STARD13: variants seen among roughly 807,000 people sequenced by gnomAD.
The protein encoded by STARD13 is stAR-related lipid transfer protein 13.
A neutral mutation model predicts 106.4 loss-of-function variants in STARD13; 62 were observed. That is an observed-to-expected ratio of 0.58 (90% CI 0.48 to 0.72). The LOEUF (loss-of-function observed/expected upper bound fraction) is 0.72, where lower values mean the gene tolerates loss of function less well. Among genes scored for constraint, STARD13 ranks in the 30% least tolerant of loss-of-function variants. STARD13 has a pLI of 0.00. For synonymous variants in STARD13, 565 were observed against 553.0 expected (o/e 1.02, Z -0.31); for missense variants, 1,387 against 1,424.0 (o/e 0.97, Z 0.42).
chr13:33,425,277 C>T, the STARD13 span, among the ~76,000 whole-genome samples: 1 of 152,198 alleles, frequency 6.6e-6, no homozygotes, highest in African/African-American at 2.4e-5. Flanking sequence ...TAGTGTCCAG[C>T]AAGCATCTGA....
intron 3 of STARD13, among the ~76,000 whole-genome samples, chr13:33,145,903 G>A (rs758552586): frequency 3.3e-5 from 5 of 152,200 alleles, no homozygotes; most frequent in East Asian, 1.9e-4. Context: ...TCTGTGTCAC[G>A]GCTGGGCATG....
intron 1 of STARD13, among the ~76,000 whole-genome samples, chr13:33,203,888 T>A (rs1214090227): frequency 6.6e-6 from 1 of 152,214 alleles, no homozygotes; most frequent in Non-Finnish European, 1.5e-5. Flanking sequence ...CAAAAGCTAA[T>A]AGCACAAGAT....
intron 3 of STARD13, among the ~76,000 whole-genome samples, chr13:33,165,071 C>G (rs1220463081): frequency 6.6e-6 from 1 of 152,108 alleles, no homozygotes; most frequent in East Asian, 1.9e-4. Flanking sequence ...CTCCTTCTTT[C>G]TTTTTCTCAC....
chr13:33,382,305 G>A, the STARD13 span, among the ~76,000 whole-genome samples: 2 of 152,082 alleles, frequency 1.3e-5, no homozygotes, highest in Non-Finnish European at 2.9e-5. Context: ...GGCTTTTGCG[G>A]TGCTGTGCCC....
the STARD13 span, among the ~76,000 whole-genome samples, chr13:33,487,734 T>G: frequency 7.2e-5 from 11 of 152,212 alleles, no homozygotes; most frequent in African/African-American, 2.7e-4. Flanking sequence ...ATTGCTTGCC[T>G]TGCCCTCCAA....
chr13:33,151,424 C>T (rs1425996292), intron 3 of STARD13, among the ~76,000 whole-genome samples: 1 of 152,082 alleles, frequency 6.6e-6, no homozygotes, highest in Non-Finnish European at 1.5e-5. Flanking sequence ...GGGAAGGTTC[C>T]AGGCTCTTTT....
At chr13:33,538,689 A>G in the STARD13 span, among the ~76,000 whole-genome samples, 2 of 151,994 alleles carry the variant, frequency 1.3e-5, no homozygotes, top group Middle Eastern at 3.4e-3. Flanking sequence ...TTCTGGGCAT[A>G]CCAGGAAACA....
chr13:33,433,247 T>C, the STARD13 span, among the ~76,000 whole-genome samples: 1 of 152,224 alleles, frequency 6.6e-6, no homozygotes, highest in Non-Finnish European at 1.5e-5. Context: ...TTCTGCTTTC[T>C]GGTCATAATC....
At chr13:33,483,023 G>A in the STARD13 span, among the ~76,000 whole-genome samples, 1 of 152,184 alleles carries the variant, frequency 6.6e-6, no homozygotes, top group Non-Finnish European at 1.5e-5. Flanking sequence ...ATTACAGTCT[G>A]GATTTGAATT....
chr13:33,391,420 A>G, the STARD13 span, among the ~76,000 whole-genome samples: 3 of 152,194 alleles, frequency 2.0e-5, no homozygotes, highest in Non-Finnish European at 4.4e-5. Context: ...TTTACCGTAA[A>G]TCAAGGTTGC....
upstream of STARD13, among the ~76,000 whole-genome samples, chr13:33,352,140 G>A (rs141580578): frequency 8.3e-4 from 127 of 152,268 alleles, no homozygotes; most frequent in African/African-American, 2.6e-3. Context: ...GATCAGAAAC[G>A]GACTTGAAAC....
the STARD13 span, among the ~76,000 whole-genome samples, chr13:33,581,576 A>T: frequency 6.6e-6 from 1 of 152,204 alleles, no homozygotes; most frequent in African/African-American, 2.4e-5. Flanking sequence ...ATTTACGTAG[A>T]CTGTACATAC....
At chr13:33,460,669 TAA>T in the STARD13 span, among the ~76,000 whole-genome samples, 2 of 151,730 alleles carry the variant, frequency 1.3e-5, no homozygotes, top group South Asian at 4.1e-4. Flanking sequence ...AATTAAAAAA[TAA>T]AAGTCATTAA....
the STARD13 span, among the ~76,000 whole-genome samples, chr13:33,490,388 A>G: frequency 6.6e-6 from 1 of 152,158 alleles, no homozygotes; most frequent in Non-Finnish European, 1.5e-5. Context: ...GGTCCGCCAC[A>G]TCCCCTATCC....
At chr13:33,432,923 A>G in the STARD13 span, among the ~76,000 whole-genome samples, 1 of 152,236 alleles carries the variant, frequency 6.6e-6, no homozygotes, top group Non-Finnish European at 1.5e-5. Flanking sequence ...TTAAATTTAT[A>G]TTACTTAATA....
At chr13:33,616,027 T>G in the STARD13 span, among the ~76,000 whole-genome samples, 1 of 152,190 alleles carries the variant, frequency 6.6e-6, no homozygotes, top group Admixed American at 6.5e-5. Context: ...TGTGTTGTAT[T>G]ATTTAACATT....
intron 1 of STARD13, among the ~76,000 whole-genome samples, chr13:33,317,959 G>T (rs757759116): frequency 6.6e-6 from 1 of 152,104 alleles, no homozygotes; most frequent in Non-Finnish European, 1.5e-5. Flanking sequence ...GAACTAACTT[G>T]CTCAAGGTCA....
chr13:33,112,902 C>G lies in STARD13; in HGVS notation c.2311G>C (p.Val771Leu), dbSNP rs563399207. The G allele has an allele frequency of 6.2e-7, 1 of 1,611,766 alleles. No homozygotes were observed. The highest frequency in any genetic ancestry group is 1.1e-5 in the South Asian group (1 of 90,672). Residue 771 changes from valine (V) to leucine (L), a missense_variant, in exon 9 of 14, where the codon GTG (valine) becomes CTG (leucine). Transcript: ENST00000336934. ...YVSKEQRLQA[V>L]QAAILLLADE... ...GCCAGTAGCAGGATGGCAGCCTGCA[C>G]GGCCTGCAGCCGCTGCTCTTTGGAG...
the STARD13 span, among the ~76,000 whole-genome samples, chr13:33,639,211 G>T: frequency 6.6e-6 from 1 of 152,150 alleles, no homozygotes; most frequent in African/African-American, 2.4e-5. Context: ...AACAGGAGGA[G>T]GTTGCTTAAG....
Sources: allele counts gnomAD v4.1 joint callset (sites outside exome capture counted in the v4.1 genomes callset), GRCh38; gene constraint gnomAD v4.1.1; transcripts MANE v1.5; gene names NCBI Gene and HGNC (gene_info 2026-07-23, HGNC 2026-07-21).